STXBP3: variants seen among roughly 807,000 people sequenced by gnomAD.
STXBP3 encodes syntaxin binding protein 3, also known as syntaxin-binding protein 3.
In STXBP3, 41 loss-of-function variants were observed where a neutral mutation model predicts 85.7. The ratio of observed to expected loss-of-function variants is 0.48; its 90% confidence interval spans 0.37 to 0.62. The LOEUF (loss-of-function observed/expected upper bound fraction) is 0.62, where lower values mean the gene tolerates loss of function less well. Among genes scored for constraint, STXBP3 ranks in the 20% least tolerant of loss-of-function variants. STXBP3 has a pLI of 0.00. For missense variants in STXBP3, 563 were observed against 703.1 expected, an observed-to-expected ratio of 0.80 and a Z score of 2.25; for synonymous variants, 229 against 231.7, an observed-to-expected ratio of 0.99 and a Z score of 0.10.
intron 17 of STXBP3, among the ~76,000 whole-genome samples, chr1:108,804,278 A>AC: frequency 6.6e-6 from 1 of 152,150 alleles, no homozygotes; most frequent in Admixed American, 6.5e-5. Flanking sequence ...GGTCTCTCTT[A>AC]CACTGTGTCT....
Position 108,800,209 on chromosome 1 carries a change from T to C in STXBP3, c.1450-11T>C, listed in dbSNP as rs1195473056. The C allele has an allele frequency of 6.3e-7, 1 of 1,590,046 alleles. No homozygotes were observed. On this transcript the variant is annotated splice_polypyrimidine_tract_variant and intron_variant, in intron 16 of 18. Transcript: ENST00000370008. ...AATTTTATTGATGGAATTAACTCTT[T>C]CCTTCCTTAGGATGCTATTGATAAT...
intron 7 of STXBP3, among the ~76,000 whole-genome samples, chr1:108,773,365 C>T (rs996595856): frequency 6.6e-6 from 1 of 152,228 alleles, no homozygotes; most frequent in East Asian, 1.9e-4. Context: ...TTGATAGGTT[C>T]TTGTTAACTG....
At chr1:108,775,516 A>G (rs1209489894) in intron 7 of STXBP3, among the ~76,000 whole-genome samples, 1 of 151,878 alleles carries the variant, frequency 6.6e-6, no homozygotes, top group African/African-American at 2.4e-5. Context: ...CATTCTACCT[A>G]TATTTTTGTA....
chr1:108,778,015 A>G (rs1662624368), intron 8 of STXBP3, among the ~76,000 whole-genome samples: 1 of 152,186 alleles, frequency 6.6e-6, no homozygotes, highest in Non-Finnish European at 1.5e-5. Context: ...GAATACTGCC[A>G]TGTAAACAGG....
At chr1:108,757,789 A>G (rs1367890702) in intron 4 of STXBP3, among the ~76,000 whole-genome samples, 3 of 152,066 alleles carry the variant, frequency 2.0e-5, no homozygotes, top group East Asian at 1.9e-4. Flanking sequence ...TAAATGGTTT[A>G]GCTAAGTTTC....
At chr1:108,795,620 T>C (rs1296465106) in intron 13 of STXBP3, among the ~76,000 whole-genome samples, 6 of 152,248 alleles carry the variant, frequency 3.9e-5, no homozygotes, top group African/African-American at 1.4e-4. Context: ...TCCTGGTGTT[T>C]TGTACCTACA....
At chr1:108,806,104 T>G (rs1270256409) in intron 17 of STXBP3, among the ~76,000 whole-genome samples, 2 of 151,290 alleles carry the variant, frequency 1.3e-5, no homozygotes, top group Non-Finnish European at 3.0e-5. Context: ...TAAATGAATG[T>G]TTATTTTGAA....
chr1:108,789,647 C>T (rs1159826343), intron 11 of STXBP3, among the ~76,000 whole-genome samples: 2 of 152,096 alleles, frequency 1.3e-5, no homozygotes, highest in African/African-American at 4.8e-5. Context: ...ATAGGGAATA[C>T]GTTTTTAAAT....
intron 6 of STXBP3, chr1:108,767,414 C>T (rs1031533436): frequency 5.9e-5 from 12 of 202,368 alleles, no homozygotes; most frequent in East Asian, 1.7e-4. Context: ...AACATTCCTT[C>T]TTGAGTTTAA....
chr1:108,781,217 T>G (rs1467306851), intron 9 of STXBP3: 2 of 152,216 alleles, frequency 1.3e-5, no homozygotes, highest in Non-Finnish European at 2.9e-5. Flanking sequence ...CTGTCTTTGG[T>G]CATCTGTAAT....
intron 5 of STXBP3, 36 bp from the exon 6 acceptor site, chr1:108,759,949 G>A (rs902907502): frequency 1.6e-6 from 2 of 1,251,768 alleles, no homozygotes; most frequent in Admixed American, 2.4e-5. Context: ...ATAAAATCTA[G>A]ATGTAACTAT....
At chr1:108,794,711 T>C (rs375211689) in intron 12 of STXBP3, 116 bp from the exon 13 acceptor site, 2 of 786,710 alleles carry the variant, frequency 2.5e-6, no homozygotes, top group African/African-American at 1.7e-5. Context: ...GCTTACATGT[T>C]ACCTTCTTTC....
intron 1 of STXBP3, among the ~76,000 whole-genome samples, chr1:108,747,377 T>C (rs1661813789): frequency 6.6e-6 from 1 of 152,132 alleles, no homozygotes; most frequent in East Asian, 1.9e-4. Flanking sequence ...ATGACCGGTG[T>C]CCAGCCGTGA....
At chr1:108,772,404 GA>G (rs1557806675) in intron 6 of STXBP3, among the ~76,000 whole-genome samples, 2 of 41,950 alleles carry the variant, frequency 4.8e-5, no homozygotes, top group South Asian at 5.3e-4. Context: ...AAATACATAT[GA>G]TATCTATCTG....
intron 4 of STXBP3, among the ~76,000 whole-genome samples, chr1:108,757,987 G>A (rs920271759): frequency 6.6e-6 from 1 of 152,058 alleles, no homozygotes; most frequent in Non-Finnish European, 1.5e-5. Context: ...ACAAAAGCAA[G>A]ATACAAAATT....
At chr1:108,749,590 A>G (rs1043550409) in intron 1 of STXBP3, among the ~76,000 whole-genome samples, 1 of 152,284 alleles carries the variant, frequency 6.6e-6, no homozygotes, top group East Asian at 1.9e-4. Context: ...TATTTAGAGG[A>G]AATACCTCCT....
At chr1:108,795,184 A>G (rs1454219973) in intron 13 of STXBP3, among the ~76,000 whole-genome samples, 1 of 152,166 alleles carries the variant, frequency 6.6e-6, no homozygotes, top group African/African-American at 2.4e-5. Flanking sequence ...TCAGGGTGGC[A>G]TTATTGGCAG....
intron 17 of STXBP3, among the ~76,000 whole-genome samples, chr1:108,803,423 G>A (rs1476662030): frequency 6.6e-6 from 1 of 152,190 alleles, no homozygotes; most frequent in Admixed American, 6.5e-5. Context: ...CCCCTTTCGT[G>A]TGGGCTCAGT....
chr1:108,756,786 A>G lies in STXBP3; in HGVS notation c.258+20A>G, dbSNP rs1662031487. On this transcript the variant is annotated intron_variant, in intron 4 of 18. Coordinates refer to ENST00000370008, the MANE Select transcript of STXBP3 (RefSeq NM_007269.4). ...TCAAAGGTGAGTATTTTGAGACCTT[A>G]AAAAGCAGGTTCATCAATATTTCAC... The G allele has an allele frequency of 1.3e-6, 2 of 1,548,446 alleles. No individual in the cohort carries two copies. Among genetic ancestry groups the G allele is most frequent in the East Asian group, 2.3e-5 (1 of 43,242 alleles).
Sources: gnomAD v4.1 joint callset for allele counts (sites outside exome capture counted in the v4.1 genomes callset) on GRCh38, gnomAD v4.1.1 for gene constraint, MANE v1.5 for transcripts, NCBI Gene and HGNC (gene_info 2026-07-23, HGNC 2026-07-21) for gene names.